The following TTYH3 variants were observed in gnomAD, a reference collection of about 807,000 sequenced individuals.
TTYH3 encodes the protein protein tweety homolog 3.
A neutral mutation model predicts 68.2 loss-of-function variants in TTYH3; 23 were observed. That is an observed-to-expected ratio of 0.34 (90% CI 0.24 to 0.48). The LOEUF (loss-of-function observed/expected upper bound fraction) is 0.48, where lower values mean the gene tolerates loss of function less well. Among genes scored for constraint, TTYH3 ranks in the 20% least tolerant of loss-of-function variants. TTYH3 has a pLI of 0.99. For synonymous variants in TTYH3, 360 were observed against 332.8 expected, an observed-to-expected ratio of 1.08 and a Z score of -0.89; for missense variants, 768 against 727.7, an observed-to-expected ratio of 1.06 and a Z score of -0.64.
At position 2,645,162 on chromosome 7, in the gene TTYH3, G is replaced by T. The variant is rs993072637; in HGVS notation, c.124-1691G>T. On this transcript the variant is annotated intron_variant, in intron 1 of 13. Transcript: ENST00000258796. This position sits in a 1 kb window ranked among gnomAD's most constrained non-coding sequence, Gnocchi z 4.8. ...CAAGTTAGCCTCTAGGTGGTCCCTG[G>T]CCCCATGATGAGGCGCAGCCCTGTA... Among the ~76,000 whole-genome samples the T allele has an allele frequency of 6.6e-6, 1 of 152,200 alleles. No individual in the cohort carries two copies. Among genetic ancestry groups the T allele is most frequent in the Non-Finnish European group, 1.5e-5 (1 of 68,026 alleles).
intron 1 of TTYH3, among the ~76,000 whole-genome samples, chr7:2,632,548 A>C (rs1785550064): frequency 6.6e-6 from 1 of 151,908 alleles, no homozygotes; most frequent in African/African-American, 2.4e-5. Flanking sequence ...CCCCCTCCCG[A>C]TTCTGGCCTT....
chr7:2,654,048 C>G (rs1295366977), intron 9 of TTYH3, among the ~76,000 whole-genome samples: 1 of 152,116 alleles, frequency 6.6e-6, no homozygotes, highest in African/African-American at 2.4e-5. Flanking sequence ...CATTTGGGAG[C>G]AGCTGGCCCT....
chr7:2,634,034 C>T (rs1344639859), intron 1 of TTYH3, among the ~76,000 whole-genome samples: 1 of 152,222 alleles, frequency 6.6e-6, no homozygotes, highest in Non-Finnish European at 1.5e-5. Context: ...CCCCTTTCCT[C>T]CCCTGCCCTG....
At chr7:2,633,025 C>T (rs994920894) in intron 1 of TTYH3, among the ~76,000 whole-genome samples, 1 of 152,134 alleles carries the variant, frequency 6.6e-6, no homozygotes, top group African/African-American at 2.4e-5. Flanking sequence ...ACCTGGGGGG[C>T]GGCTGGGGGC....
intron 9 of TTYH3, 125 bp from the exon 10 acceptor site, chr7:2,655,967 G>A (rs191220317): frequency 6.9e-6 from 5 of 724,568 alleles, no homozygotes; most frequent in East Asian, 5.6e-5. Flanking sequence ...ACCCCAGGGT[G>A]GGGGGTATCT....
Position 2,632,253 on chromosome 7 carries a change from G to C in TTYH3, c.98G>C (p.Arg33Pro), listed in dbSNP as rs1785541737. ...LSWEATSSQFRPEDTDYQQAL... is the reference protein window; with the variant it reads ...LSWEATSSQFPPEDTDYQQAL... ...TGGGAGGCCACTAGCAGCCAGTTCC[G>C]GCCCGAGGACACCGACTACCAGCAG... The change falls in exon 1 of 14, where the codon CGG (arginine) becomes CCG (proline). Residue 33 changes from arginine to proline, a missense_variant. Coordinates refer to ENST00000258796, the MANE Select transcript of TTYH3 (RefSeq NM_025250.3). 1 of 1,585,464 alleles carries C rather than the reference G, an allele frequency of 6.3e-7. No individual in the cohort carries two copies. Among genetic ancestry groups the C allele is most frequent in the Non-Finnish European group, 8.6e-7 (1 of 1,163,798 alleles).
At chr7:2,640,718 A>G (rs919397251) in intron 1 of TTYH3, among the ~76,000 whole-genome samples, 2 of 152,224 alleles carry the variant, frequency 1.3e-5, no homozygotes, top group African/African-American at 2.4e-5. Flanking sequence ...CAGAGTGGGC[A>G]TGGCCAGGAG....
At chr7:2,634,561 C>T (rs920427726) in intron 1 of TTYH3, among the ~76,000 whole-genome samples, 9 of 2,832 alleles carry the variant, frequency 3.2e-3, no homozygotes, top group East Asian at 0.026. Flanking sequence ...GTTATGGGGG[C>T]GGGGGGATGG....
At chr7:2,654,824 G>A (rs1474769528) in intron 9 of TTYH3, among the ~76,000 whole-genome samples, 2 of 152,098 alleles carry the variant, frequency 1.3e-5, no homozygotes, top group Non-Finnish European at 2.9e-5. Flanking sequence ...TCTCTCTGTT[G>A]CCCAGGCTGG....
rs1240922291 is a variant in TTYH3, at chr7:2,652,041, G to A, written c.872-146G>A. The A allele has an allele frequency of 5.7e-6, 4 of 700,330 alleles. No homozygotes were observed. The Admixed American group carries it at 8.3e-5, about 15-fold the overall frequency. 43.4% of individuals were successfully genotyped at this position (700,330 alleles called of 1,614,324 possible). Reference sequence around the variant, plus strand: ...TAAACATGCAGACACATGCACATGTGTAAACAGGTGCACACAGACACACAT... The same window carrying A: ...TAAACATGCAGACACATGCACATGTATAAACAGGTGCACACAGACACACAT... On this transcript the variant is annotated intron_variant, in intron 7 of 13. Coordinates refer to ENST00000258796, the MANE Select transcript of TTYH3 (RefSeq NM_025250.3).
At chr7:2,642,892 A>G (rs901121530) in intron 1 of TTYH3, among the ~76,000 whole-genome samples, 5 of 150,764 alleles carry the variant, frequency 3.3e-5, no homozygotes, top group Non-Finnish European at 5.9e-5. Context: ...GTGAAAACCC[A>G]TCTCTACTGA....
chr7:2,651,292 G>C (rs1786168915), intron 7 of TTYH3, among the ~76,000 whole-genome samples: 1 of 152,180 alleles, frequency 6.6e-6, no homozygotes, highest in Non-Finnish European at 1.5e-5. Flanking sequence ...CACAGGATTG[G>C]CTTGTGGGCT....
chr7:2,646,799 G>A, intron 1 of TTYH3, 54 bp from the exon 2 acceptor site: 1 of 1,540,782 alleles, frequency 6.5e-7, no homozygotes, highest in Non-Finnish European at 8.7e-7. Context: ...GGCGGGGCGT[G>A]GGACTCTGAG....
At chr7:2,650,037 C>T (rs781700204) in intron 7 of TTYH3, 49 bp downstream of exon 7, 2 of 1,603,780 alleles carry the variant, frequency 1.2e-6, no homozygotes, top group Admixed American at 1.7e-5. Flanking sequence ...CAGGGTTGGG[C>T]TGAGCCAAAA....
intron 9 of TTYH3, among the ~76,000 whole-genome samples, chr7:2,654,627 C>A (rs1786283527): frequency 6.6e-6 from 1 of 152,144 alleles, no homozygotes; most frequent in African/African-American, 2.4e-5. Context: ...CCAGATGGGG[C>A]AGCCTCCGCA....
At chr7:2,650,454 T>A (rs1786138232) in intron 7 of TTYH3, among the ~76,000 whole-genome samples, 1 of 152,030 alleles carries the variant, frequency 6.6e-6, no homozygotes, top group African/African-American at 2.4e-5. Flanking sequence ...CGTGGGTGCC[T>A]GTAATCCCAG....
Position 2,656,171 on chromosome 7 carries a change from G to A in TTYH3, c.1100G>A (p.Arg367His), listed in dbSNP as rs763512894. 7 of 1,567,686 alleles carry A rather than the reference G, an allele frequency of 4.5e-6. No homozygotes were observed. The highest frequency in any genetic ancestry group is 1.4e-5 in the African/African-American group (1 of 73,958). Residue 367 changes from arginine to histidine, a missense_variant, in exon 10 of 14, where the codon CGC becomes CAC. By Grantham distance (29) the Arg-to-His change is conservative. Coordinates refer to ENST00000258796, the MANE Select transcript of TTYH3 (RefSeq NM_025250.3). ...LQHLTALVDCRSLHLDYVQAL... is the reference protein window; with the variant it reads ...LQHLTALVDCHSLHLDYVQAL... ...CACCTCACCGCCCTGGTGGACTGCC[G>A]CAGCCTGCATCTGGTGAGAGGCAGG... is the stretch of plus-strand genomic sequence containing the variant.
At chr7:2,640,410 G>GT (rs1032182687) in intron 1 of TTYH3, among the ~76,000 whole-genome samples, 6 of 152,012 alleles carry the variant, frequency 3.9e-5, no homozygotes, top group Non-Finnish European at 8.8e-5. Context: ...GTGTGGGGGG[G>GT]GACGTGTGTT....
chr7:2,644,854 C>T (rs919546792), intron 1 of TTYH3, among the ~76,000 whole-genome samples: 6 of 152,194 alleles, frequency 3.9e-5, no homozygotes, highest in African/African-American at 1.2e-4. Context: ...GGGCAGGACA[C>T]GGCATCCTCC....
Sources: gnomAD v4.1 joint callset for allele counts (sites outside exome capture counted in the v4.1 genomes callset) on GRCh38, gnomAD v4.1.1 for gene constraint, Gnocchi (gnomAD v3.1) non-coding constraint, MANE v1.5 for transcripts, NCBI Gene and HGNC (gene_info 2026-07-23, HGNC 2026-07-21) for gene names.